CKAP5: variants seen among roughly 807,000 people sequenced by gnomAD.
The protein encoded by CKAP5 is cytoskeleton associated protein 5, also known as cytoskeleton-associated protein 5.
A neutral mutation model predicts 232.8 loss-of-function variants in CKAP5; 27 were observed. The observed-to-expected ratio is 0.12, with a 90% confidence interval of 0.09 to 0.16. The LOEUF (loss-of-function observed/expected upper bound fraction) is 0.16. Among genes scored for constraint, CKAP5 ranks in the 10% least tolerant of loss-of-function variants. CKAP5 has a pLI of 1.00. For synonymous variants in CKAP5, 785 were observed against 841.1 expected (o/e 0.93, Z 1.16); for missense variants, 1,838 against 2,424.7 (o/e 0.76, Z 5.08).
chr11:46,744,407 A>C lies in CKAP5; in HGVS notation c.5856+19T>G, dbSNP rs749292207. ...TGTGACTACCCTCCCTGAACTGCAC[A>C]GAAGAAAAGGAGCAGTACCTTTGTG... On this transcript the variant is annotated intron_variant, in intron 43 of 43. Coordinates refer to ENST00000529230, the MANE Select transcript of CKAP5 (RefSeq NM_001008938.4). 1 of 1,613,996 alleles carries C rather than the reference A, an allele frequency of 6.2e-7. No individual in the cohort carries two copies. Among genetic ancestry groups the C allele is most frequent in the African/African-American group, 1.3e-5 (1 of 74,922 alleles).
At chr11:46,842,464 G>A (rs911884620) in intron 1 of CKAP5, among the ~76,000 whole-genome samples, 2 of 152,140 alleles carry the variant, frequency 1.3e-5, no homozygotes, top group African/African-American at 2.4e-5. Flanking sequence ...CCCAGTCATG[G>A]TAAATGCTGT....
At chr11:46,831,791 CAA>C (rs1006996253) in intron 1 of CKAP5, among the ~76,000 whole-genome samples, 5 of 151,626 alleles carry the variant, frequency 3.3e-5, no homozygotes, top group Non-Finnish European at 5.9e-5. Context: ...CTCAGCCTCC[CAA>C]AGAGTTGATA....
Position 46,763,602 on chromosome 11 carries a change from C to T in CKAP5, c.3566G>A (p.Arg1189Gln), listed in dbSNP as rs1392696461. ...KVLKWNFTTPRDEYIEQLKTQ... is the reference protein window; with the variant it reads ...KVLKWNFTTPQDEYIEQLKTQ... Reference sequence around the variant, plus strand: ...CTTTAGTTGCTCAATGTATTCATCCCGTGGGGTAGTAAAATTCCACTTTAG... The same window carrying T: ...CTTTAGTTGCTCAATGTATTCATCCTGTGGGGTAGTAAAATTCCACTTTAG... Residue 1189 changes from arginine to glutamine, a missense_variant, in exon 29 of 44, where the codon CGG becomes CAG. This residue lies in a region of CKAP5 where 767 missense variants were observed against 954.6 expected (regional missense o/e 0.80). Coordinates refer to ENST00000529230, the MANE Select transcript of CKAP5 (RefSeq NM_001008938.4). 3.2e-6 allele frequency: 5 copies of T among 1,570,962 alleles called. No individual in the cohort carries two copies. The highest frequency in any genetic ancestry group is 2.3e-5 in the South Asian group (2 of 85,460).
chr11:46,841,997 C>CAAAAAAAAAAAAAAAAAAAAAAAA (rs3031699), intron 1 of CKAP5, among the ~76,000 whole-genome samples: 1 of 109,420 alleles, frequency 9.1e-6, no homozygotes, highest in Admixed American at 1.0e-4. Context: ...GACTTTGGTT[C>CAAAAAAAAAAAAAAAAAAAAAAAA]AAAAAAAAAA....
In CKAP5 at chr11:46,783,319, G is replaced by A; in HGVS notation, c.2204C>T (p.Thr735Ile). ...SQKNPKNQSE[T>I]LNWLSNAIKE... is the part of the protein sequence containing the mutation. ...TATGGCATTTGATAGCCAATTCAGA[G>A]TTTCTGACTGATTTTTGGGATTCTT... is the stretch of plus-strand genomic sequence containing the variant. Residue 735 changes from threonine to isoleucine, a missense_variant, in exon 18 of 44, where the codon ACT becomes ATT. Thr to Ile is a moderately conservative substitution (Grantham distance 89). Around this residue, in one of 6 missense-constraint regions of CKAP5, gnomAD observed 767 missense variants for 954.6 expected, o/e 0.80. Transcript: ENST00000529230. The A allele has an allele frequency of 3.7e-6, 6 of 1,612,472 alleles. No individual in the cohort carries two copies. Among genetic ancestry groups the A allele is most frequent in the Non-Finnish European group, 5.1e-6 (6 of 1,179,366 alleles).
At chr11:46,833,323 C>T (rs146945243) in intron 1 of CKAP5, among the ~76,000 whole-genome samples, 2 of 152,078 alleles carry the variant, frequency 1.3e-5, no homozygotes, top group Admixed American at 1.3e-4. Flanking sequence ...AAATATGACC[C>T]ATGTGACCAA....
chr11:46,790,450 C>T lies in CKAP5; in HGVS notation c.1764+20G>A, dbSNP rs1479182674. 2.6e-6 allele frequency: 4 copies of T among 1,528,316 alleles called. No homozygotes were observed. Among genetic ancestry groups the T allele is most frequent in the East Asian group, 4.5e-5 (2 of 44,492 alleles). The allele number at this position is 1,528,316 out of a possible 1,614,324, so 94.7% of individuals were successfully genotyped here. A position where few individuals can be genotyped will look rare whatever the true frequency, so the allele number is the denominator to read the frequency against. On this transcript the variant is annotated intron_variant, in intron 14 of 43. Transcript: ENST00000529230. ...CTTTGCAGGGTTCATGATTTTCAGG[C>T]TCAGTGTGTTAATACTGACCGAGAG...
intron 24 of CKAP5, among the ~76,000 whole-genome samples, chr11:46,775,452 A>G (rs2065282575): frequency 6.6e-6 from 1 of 152,206 alleles, no homozygotes; most frequent in African/African-American, 2.4e-5. Flanking sequence ...ATACCATTTG[A>G]CCCAGCAATC....
chr11:46,768,457 G>A (rs185480790), intron 26 of CKAP5, among the ~76,000 whole-genome samples: 9 of 151,984 alleles, frequency 5.9e-5, no homozygotes, highest in South Asian at 4.2e-4. Flanking sequence ...AATTACAGGC[G>A]TGAGCCACCA....
chr11:46,752,301 C>T (rs2065075570), intron 38 of CKAP5, among the ~76,000 whole-genome samples: 1 of 146,200 alleles, frequency 6.8e-6, no homozygotes. Context: ...ATATATAATA[C>T]ACATATATAT....
chr11:46,761,873 T>G (rs1347868832), intron 32 of CKAP5, 127 bp downstream of exon 32: 6 of 663,672 alleles, frequency 9.0e-6, no homozygotes, highest in Non-Finnish European at 1.5e-5. Flanking sequence ...TAGGACACAT[T>G]GATAGGTTGA....
In CKAP5 at chr11:46,800,115, T is replaced by C. The variant is rs189049223; in HGVS notation, c.1083+1085A>G. Among the ~76,000 whole-genome samples the C allele has an allele frequency of 2.8e-3, 421 of 152,268 alleles. 2 individuals are homozygous for C. Among genetic ancestry groups the C allele is most frequent in the African/African-American group, 9.6e-3 (399 of 41,564 alleles). Reference sequence around the variant, plus strand: ...TAAAAGTGTAAAATATCCTAAGTAATATAAAATTGATCAAAATGGCATATA... The same window carrying C: ...TAAAAGTGTAAAATATCCTAAGTAACATAAAATTGATCAAAATGGCATATA... On this transcript the variant is annotated intron_variant, in intron 9 of 43. Coordinates refer to ENST00000529230, the MANE Select transcript of CKAP5 (RefSeq NM_001008938.4).
At chr11:46,813,735 G>T (rs2134678044) in intron 4 of CKAP5, among the ~76,000 whole-genome samples, 1 of 152,198 alleles carries the variant, frequency 6.6e-6, no homozygotes, top group African/African-American at 2.4e-5. Context: ...GAAAACATGA[G>T]ATATACGTAA....
intron 8 of CKAP5, among the ~76,000 whole-genome samples, chr11:46,804,579 T>G (rs923957549): frequency 6.6e-6 from 1 of 152,178 alleles, no homozygotes; most frequent in Non-Finnish European, 1.5e-5. Flanking sequence ...ACAAAGTGCT[T>G]TAAAGTAATT....
At chr11:46,817,343 C>T (rs973443533) in intron 3 of CKAP5, among the ~76,000 whole-genome samples, 2 of 152,118 alleles carry the variant, frequency 1.3e-5, no homozygotes, top group African/African-American at 2.4e-5. Context: ...ACAGAGGGAA[C>T]GGATATGTAC....
At position 46,754,879 on chromosome 11, in the gene CKAP5, T is replaced by G; in HGVS notation, c.4869+9A>C. On this transcript the variant is annotated intron_variant, in intron 36 of 43. Coordinates refer to ENST00000529230, the MANE Select transcript of CKAP5 (RefSeq NM_001008938.4). ...ATGGGAAGCTGAAATTCTGCAGAGG[T>G]GCCCTTACCGAAATCATGTTGCCAA... 1 of 1,609,648 alleles carries G rather than the reference T, an allele frequency of 6.2e-7. No homozygotes were observed. The highest frequency in any genetic ancestry group is 8.5e-7 in the Non-Finnish European group (1 of 1,177,590).
chr11:46,835,243 A>T (rs1409528142), intron 1 of CKAP5, among the ~76,000 whole-genome samples: 1 of 152,026 alleles, frequency 6.6e-6, no homozygotes, highest in Non-Finnish European at 1.5e-5. Flanking sequence ...ATCATCCACC[A>T]TTATCCTTTA....
At chr11:46,815,587 G>GC (rs960563090) in intron 4 of CKAP5, among the ~76,000 whole-genome samples, 44 of 152,234 alleles carry the variant, frequency 2.9e-4, no homozygotes, top group African/African-American at 1.1e-3. Context: ...ATGAGCCACT[G>GC]CCCCCAACTG....
At position 46,759,462 on chromosome 11, in the gene CKAP5, G is replaced by A. The variant is rs1390636836; in HGVS notation, c.4395-20C>T. The A allele has an allele frequency of 6.2e-7, 1 of 1,603,060 alleles. No individual in the cohort carries two copies. The highest frequency in any genetic ancestry group is 1.3e-5 in the African/African-American group (1 of 74,254). On this transcript the variant is annotated intron_variant, in intron 33 of 43. Coordinates refer to ENST00000529230, the MANE Select transcript of CKAP5 (RefSeq NM_001008938.4). ...GCTTGGCTAAGGGAAGCAAAAGGAG[G>A]CTCCTGAACTAAAAGAGACTTCTTA...
Sources: gnomAD v4.1 joint callset for allele counts (sites outside exome capture counted in the v4.1 genomes callset) on GRCh38, gnomAD v4.1.1 for gene constraint, gnomAD v4.1.1 regional missense constraint, MANE v1.5 for transcripts, NCBI Gene and HGNC (gene_info 2026-07-23, HGNC 2026-07-21) for gene names.